Variants in CAMSAP2 observed in about 807,000 individuals in gnomAD.
The protein encoded by CAMSAP2 is calmodulin regulated spectrin associated protein family member 2.
In CAMSAP2, 26 loss-of-function variants were observed where a neutral mutation model predicts 146.1. The observed-to-expected ratio is 0.18, with a 90% CI of 0.13 to 0.25. The LOEUF (loss-of-function observed/expected upper bound fraction) is 0.25. CAMSAP2 is among the 10% of genes least tolerant of loss of function. The pLI, the probability that CAMSAP2 is intolerant of heterozygous loss-of-function variation, is 1.00. For synonymous variants in CAMSAP2, 499 were observed against 596.6 expected (o/e 0.84, Z 2.38); for missense variants, 1,381 against 1,759.3 (o/e 0.78, Z 3.85).
At chr1:200,810,226 T>A (rs2102151257) in intron 3 of CAMSAP2, among the ~76,000 whole-genome samples, 1 of 152,290 alleles carries the variant, frequency 6.6e-6, no homozygotes, top group South Asian at 2.1e-4. Context: ...GGGACCACAC[T>A]GTTATTTGTT....
chr1:200,752,023 G>GCAT, intron 1 of CAMSAP2, among the ~76,000 whole-genome samples: 1 of 152,202 alleles, frequency 6.6e-6, no homozygotes, highest in East Asian at 1.9e-4. Context: ...TGCCTGTAAA[G>GCAT]CATACAAGGG....
At chr1:200,741,927 CCT>C (rs1362332270) in intron 1 of CAMSAP2, among the ~76,000 whole-genome samples, 1 of 152,158 alleles carries the variant, frequency 6.6e-6, no homozygotes, top group Admixed American at 6.5e-5. Context: ...GGTTAACTTT[CCT>C]ACTATCACAG....
chr1:200,792,023 G>A (rs1665768350), intron 2 of CAMSAP2, among the ~76,000 whole-genome samples: 1 of 151,974 alleles, frequency 6.6e-6, no homozygotes, highest in Non-Finnish European at 1.5e-5. Context: ...CATATGACCT[G>A]AGTTCTTCTT....
chr1:200,759,757 TA>T, intron 1 of CAMSAP2, among the ~76,000 whole-genome samples: 1 of 152,158 alleles, frequency 6.6e-6, no homozygotes, highest in Non-Finnish European at 1.5e-5. Context: ...TCAGGTTCTA[TA>T]ATTGCAGCTC....
chr1:200,784,115 C>T (rs888506196), intron 2 of CAMSAP2, among the ~76,000 whole-genome samples: 8 of 152,074 alleles, frequency 5.3e-5, no homozygotes, highest in Non-Finnish European at 1.2e-4. Context: ...CTGACGTCGA[C>T]ACCTGTGTCT....
chr1:200,853,671 A>G lies in CAMSAP2; in HGVS notation c.3823+176A>G, dbSNP rs1226197226. Among the ~76,000 whole-genome samples, 1 of 152,252 alleles carries G rather than the reference A, an allele frequency of 6.6e-6. No homozygotes were observed. Among genetic ancestry groups the G allele is most frequent in the Non-Finnish European group, 1.5e-5 (1 of 68,042 alleles). ...AAGTTTTTAATAAATTAAATGTATT[A>G]TGTGTGCATGCATATATTCAGTAGA... On this transcript the variant is annotated intron_variant, in intron 13 of 16. Coordinates refer to ENST00000358823, the MANE Select transcript of CAMSAP2 (RefSeq NM_203459.4). This position sits in a 1 kb window ranked among gnomAD's most constrained non-coding sequence, Gnocchi z 5.1.
chr1:200,748,649 A>G (rs1253206113), intron 1 of CAMSAP2, among the ~76,000 whole-genome samples: 1 of 152,038 alleles, frequency 6.6e-6, no homozygotes, highest in Non-Finnish European at 1.5e-5. Context: ...TTTGTCCTAT[A>G]AAGTCTCCTA....
At chr1:200,787,999 G>A (rs527676383) in intron 2 of CAMSAP2, among the ~76,000 whole-genome samples, 3 of 152,244 alleles carry the variant, frequency 2.0e-5, no homozygotes, top group African/African-American at 7.2e-5. Context: ...TACAGTATAA[G>A]CATAACTTTT....
rs546021891 is a variant in CAMSAP2 at position 200,847,540 on chromosome 1, A to T, written c.1193-100A>T. The T allele has an allele frequency of 4.7e-4, 439 of 928,406 alleles. No homozygotes were observed. The African/African-American group carries it at 6.2e-3, about 13-fold the overall frequency. The allele number at this position is 928,406 out of a possible 1,614,324, so 57.5% of individuals were successfully genotyped here. A position where few individuals can be genotyped will look rare whatever the true frequency, so the allele number is the denominator to read the frequency against. ...CTCCTTATGTACCTATTTAATTTGT[A>T]TTGCTATTAATGAATCCTCAAATAC... On this transcript the variant is annotated intron_variant, in intron 9 of 16. Coordinates refer to ENST00000358823, the MANE Select transcript of CAMSAP2 (RefSeq NM_203459.4).
At chr1:200,815,728 G>A in intron 4 of CAMSAP2, 84 bp downstream of exon 4, 1 of 660,490 alleles carries the variant, frequency 1.5e-6, no homozygotes, top group Non-Finnish European at 2.3e-6. Context: ...AATGTTAATT[G>A]TGTTTATTAA....
chr1:200,818,268 A>G (rs1032696350), intron 4 of CAMSAP2, among the ~76,000 whole-genome samples: 2 of 152,182 alleles, frequency 1.3e-5, no homozygotes, highest in Non-Finnish European at 2.9e-5. Context: ...AAAAAATGCC[A>G]TTTGTATTTC....
chr1:200,773,492 C>T (rs1223060811), intron 2 of CAMSAP2, among the ~76,000 whole-genome samples: 1 of 152,010 alleles, frequency 6.6e-6, no homozygotes. Flanking sequence ...CCTGACCTCA[C>T]ATGATCCGCC....
rs979804313 is a variant in CAMSAP2 at position 200,860,671 on chromosome 1, T to TC, written c.*2616dup. On this transcript the variant is annotated 3_prime_UTR_variant, in exon 17 of 17. Transcript: ENST00000358823. ...CTATTTCCTGGTACAGTGTAGTTTT[T>TC]CCCCTTTCATTTGAATAAAAGCATG... 1.3e-4 allele frequency: 20 copies of TC among 152,336 alleles called. No individual in the cohort carries two copies. Among genetic ancestry groups the TC allele is most frequent in the Non-Finnish European group, 2.9e-4 (20 of 68,014 alleles). 9.4% of individuals were successfully genotyped at this position (152,336 alleles called of 1,614,324 possible).
chr1:200,796,131 AG>A (rs543359775), intron 2 of CAMSAP2, among the ~76,000 whole-genome samples: 108 of 152,340 alleles, frequency 7.1e-4, no homozygotes, highest in Admixed American at 1.5e-3. Flanking sequence ...GCAGAGTAGC[AG>A]TGGCACCTTT....
At chr1:200,817,211 TACAC>T (rs1253220338) in intron 4 of CAMSAP2, among the ~76,000 whole-genome samples, 13 of 56,188 alleles carry the variant, frequency 2.3e-4, no homozygotes, top group Admixed American at 1.0e-3. Context: ...TATACACACA[TACAC>T]ACATATGTGT....
At chr1:200,855,068 A>G (rs1006376652) in intron 14 of CAMSAP2, among the ~76,000 whole-genome samples, 179 bp downstream of exon 14, 4 of 150,316 alleles carry the variant, frequency 2.7e-5, no homozygotes, top group Admixed American at 1.3e-4. Context: ...TAAATTATGT[A>G]AAGAGGTGTC....
chr1:200,762,184 T>C (rs1664820854), intron 2 of CAMSAP2, among the ~76,000 whole-genome samples: 1 of 152,216 alleles, frequency 6.6e-6, no homozygotes, highest in East Asian at 1.9e-4. Flanking sequence ...CTAAATGAGG[T>C]GATGACCTGT....
chr1:200,764,745 G>A (rs956774900), intron 2 of CAMSAP2, among the ~76,000 whole-genome samples: 1 of 152,096 alleles, frequency 6.6e-6, no homozygotes, highest in African/African-American at 2.4e-5. Flanking sequence ...CAAATATCCC[G>A]TAAATGGCAA....
Position 200,856,003 on chromosome 1 carries a change from T to G in CAMSAP2, c.3897-7T>G, listed in dbSNP as rs1446355132. ...GAGACATAAAACATATTTTATTTTCTAATTAGATCAGAGTCTGTAGAAGGC... is the reference window on the plus strand; with the variant it reads ...GAGACATAAAACATATTTTATTTTCGAATTAGATCAGAGTCTGTAGAAGGC... On this transcript the variant is annotated splice_polypyrimidine_tract_variant and splice_region_variant and intron_variant, in intron 14 of 16. Coordinates refer to ENST00000358823, the MANE Select transcript of CAMSAP2 (RefSeq NM_203459.4). 6.3e-7 allele frequency: 1 copy of G among 1,579,954 alleles called. No individual in the cohort carries two copies. The highest frequency in any genetic ancestry group is 1.7e-5 in the Admixed American group (1 of 58,464).
Sources: gnomAD v4.1 joint callset for allele counts (sites outside exome capture counted in the v4.1 genomes callset) on GRCh38, gnomAD v4.1.1 for gene constraint, Gnocchi (gnomAD v3.1) non-coding constraint, MANE v1.5 for transcripts, NCBI Gene and HGNC (gene_info 2026-07-23, HGNC 2026-07-21) for gene names.